SLC35F3: variants seen among roughly 807,000 people sequenced by gnomAD.
The protein encoded by SLC35F3 is putative thiamine transporter SLC35F3.
A neutral mutation model predicts 49.9 loss-of-function variants in SLC35F3; 25 were observed. The ratio of observed to expected loss-of-function variants is 0.50; its 90% CI spans 0.37 to 0.70. The LOEUF (loss-of-function observed/expected upper bound fraction) is 0.70. Ranked by LOEUF, SLC35F3 falls within the 30% of genes least tolerant of loss-of-function variation. The pLI is 0.00. For missense variants in SLC35F3, 525 were observed against 639.8 expected, an observed-to-expected ratio of 0.82 and a Z score of 1.94; for synonymous variants, 275 against 265.4, an observed-to-expected ratio of 1.04 and a Z score of -0.35.
At position 234,316,708 on chromosome 1, in the gene SLC35F3, C is replaced by T; in HGVS notation, c.935C>T (p.Ser312Leu). 6.2e-7 allele frequency: 1 copy of T among 1,611,336 alleles called. No individual in the cohort carries two copies. The highest frequency in any genetic ancestry group is 8.5e-7 in the Non-Finnish European group (1 of 1,177,658). ...IGIALVVASASMSALYKVLFK... is the reference protein window; with the variant it reads ...IGIALVVASALMSALYKVLFK... ...ATCGCACTGGTGGTGGCCTCAGCAT[C>T]GATGTCTGCCCTCTACAAGGTACGC... is the stretch of plus-strand genomic sequence containing the variant. The change falls in exon 5 of 8, where the codon TCG (serine) becomes TTG (leucine). Residue 312 changes from serine to leucine, a missense_variant. Transcript: ENST00000366618.
intron 2 of SLC35F3, among the ~76,000 whole-genome samples, chr1:234,024,985 T>C (rs1663955807): frequency 1.3e-5 from 2 of 152,136 alleles, no homozygotes; most frequent in Non-Finnish European, 2.9e-5. Flanking sequence ...CTCCCTCTTC[T>C]TGTAGTCCCC....
At chr1:234,262,125 A>C (rs1307060950) in intron 3 of SLC35F3, among the ~76,000 whole-genome samples, 1 of 152,214 alleles carries the variant, frequency 6.6e-6, no homozygotes, top group African/African-American at 2.4e-5. Context: ...GATGACTAAG[A>C]AAACCTCAAC....
At chr1:234,149,891 G>T (rs1666053055) in intron 2 of SLC35F3, among the ~76,000 whole-genome samples, 1 of 152,148 alleles carries the variant, frequency 6.6e-6, no homozygotes, top group Non-Finnish European at 1.5e-5. Flanking sequence ...CCAATCTCAG[G>T]CCAACCCAAC....
chr1:234,213,397 G>A (rs1417227817), intron 2 of SLC35F3: 2 of 152,280 alleles, frequency 1.3e-5, no homozygotes, highest in East Asian at 1.9e-4. Context: ...TAAAGGAGAT[G>A]AACACAAGGC....
At chr1:234,014,462 A>G (rs1488366847) in intron 2 of SLC35F3, among the ~76,000 whole-genome samples, 1 of 152,228 alleles carries the variant, frequency 6.6e-6, no homozygotes, top group Non-Finnish European at 1.5e-5. Context: ...TTTTAGTGGA[A>G]GTACTACTAG....
At chr1:234,088,708 A>C (rs1182203342) in intron 2 of SLC35F3, among the ~76,000 whole-genome samples, 1 of 152,150 alleles carries the variant, frequency 6.6e-6, no homozygotes, top group Non-Finnish European at 1.5e-5. Flanking sequence ...CACACCACAG[A>C]CTATTAGGGA....
intron 2 of SLC35F3, among the ~76,000 whole-genome samples, chr1:234,062,676 G>A (rs1471513321): frequency 6.6e-6 from 1 of 151,538 alleles, no homozygotes; most frequent in Non-Finnish European, 1.5e-5. Context: ...TCATCCATGA[G>A]CAAAATCTTT....
rs1386566484 is a variant in SLC35F3 at position 234,320,042 on chromosome 1, A to G, written c.1148-56A>G. 1 of 1,233,396 alleles carries G rather than the reference A, an allele frequency of 8.1e-7. No homozygotes were observed. The highest frequency in any genetic ancestry group is 1.2e-6 in the Non-Finnish European group (1 of 833,782). The allele number at this position is 1,233,396 out of a possible 1,614,324, so 76.4% of individuals were successfully genotyped here. On this transcript the variant is annotated intron_variant, in intron 6 of 7. Transcript: ENST00000366618. The surrounding 1 kb of genome is among the most constrained non-coding windows in gnomAD (Gnocchi z 4.8). ...ACCTGGGTCAGATAGGCCAGCAGGG[A>G]GGTAAAGTACACAGCAGTCATGAAT... is the stretch of plus-strand genomic sequence containing the variant.
intron 2 of SLC35F3, among the ~76,000 whole-genome samples, chr1:233,961,386 A>C (rs1662797910): frequency 6.7e-6 from 1 of 149,512 alleles, no homozygotes. Context: ...CTTTCAGAAC[A>C]CTTGCGTTTC....
rs1430988526 is a variant in SLC35F3 at position 234,036,222 on chromosome 1, C to T, written c.283+130464C>T. 3.9e-5 allele frequency among the ~76,000 whole-genome samples: 6 copies of T among 152,050 alleles called. No homozygotes were observed. The East Asian group carries it at 1.2e-3, about 29-fold the overall frequency. On this transcript the variant is annotated intron_variant, in intron 2 of 7. Coordinates refer to ENST00000366618, the MANE Select transcript of SLC35F3 (RefSeq NM_173508.4). ...GGACTACAGGTGTGCACTACCATGC[C>T]CAGCTAATTTTTGTTTGTTTGTTTT...
chr1:234,311,936 T>C (rs1296118929), intron 4 of SLC35F3, among the ~76,000 whole-genome samples: 2 of 152,258 alleles, frequency 1.3e-5, no homozygotes, highest in Non-Finnish European at 2.9e-5. Flanking sequence ...AGAATATTAC[T>C]ACTCATCTTA....
intron 2 of SLC35F3, among the ~76,000 whole-genome samples, chr1:234,211,983 A>G (rs1572096764): frequency 6.6e-6 from 1 of 152,104 alleles, no homozygotes; most frequent in South Asian, 2.1e-4. Context: ...GGCCTTTCCC[A>G]TGCTGCTCTC....
Position 233,950,012 on chromosome 1 carries a change from C to T in SLC35F3, c.283+44254C>T, listed in dbSNP as rs149996165. 1.6e-3 allele frequency among the ~76,000 whole-genome samples: 251 copies of T among 152,180 alleles called. 1 individual carries two copies. Among genetic ancestry groups the T allele is most frequent in the African/African-American group, 5.6e-3 (232 of 41,520 alleles). On this transcript the variant is annotated intron_variant, in intron 2 of 7. Coordinates refer to ENST00000366618, the MANE Select transcript of SLC35F3 (RefSeq NM_173508.4). ...ATTTGTCCCCAGTTTTTTTCAGACA[C>T]CTCTGCACACGAGGTGAGAAAACCT...
chr1:234,289,631 T>C (rs950050577), intron 3 of SLC35F3, among the ~76,000 whole-genome samples: 1 of 152,188 alleles, frequency 6.6e-6, no homozygotes, highest in African/African-American at 2.4e-5. Context: ...CATGTGCAAG[T>C]ATGGAGTCCA....
chr1:233,923,750 T>C (rs997140576), intron 2 of SLC35F3, among the ~76,000 whole-genome samples: 1 of 152,152 alleles, frequency 6.6e-6, no homozygotes, highest in Non-Finnish European at 1.5e-5. Flanking sequence ...ATGCTTCCAG[T>C]TTTTGCCCAT....
At chr1:233,912,494 GAAAC>G (rs959875978) in intron 2 of SLC35F3, among the ~76,000 whole-genome samples, 4 of 120,602 alleles carry the variant, frequency 3.3e-5, no homozygotes, top group Admixed American at 8.2e-5. Context: ...AACAAACAAA[GAAAC>G]AAACAAACAA....
At chr1:234,120,824 G>A (rs893809673) in intron 2 of SLC35F3, among the ~76,000 whole-genome samples, 4 of 152,168 alleles carry the variant, frequency 2.6e-5, no homozygotes, top group Non-Finnish European at 5.9e-5. Context: ...TTAAAATTCT[G>A]ATCAACTTTA....
At chr1:233,936,249 G>A (rs1242724846) in intron 2 of SLC35F3, among the ~76,000 whole-genome samples, 1 of 152,210 alleles carries the variant, frequency 6.6e-6, no homozygotes, top group East Asian at 1.9e-4. Context: ...AAGATAGGAA[G>A]AAAGGAGATG....
Position 233,995,488 on chromosome 1 carries a change from A to C in SLC35F3, c.283+89730A>C, listed in dbSNP as rs147428725. Among the ~76,000 whole-genome samples the C allele has an allele frequency of 2.4e-3, 365 of 152,274 alleles. 1 individual carries two copies. The highest frequency in any genetic ancestry group is 8.4e-3 in the African/African-American group (347 of 41,548). ...GAGCATTTATTTTAAATGAAGTGTT[A>C]AGGATGCCTGATCCCTCCACTTGTG... is the stretch of plus-strand genomic sequence containing the variant. On this transcript the variant is annotated intron_variant, in intron 2 of 7. Transcript: ENST00000366618.
Sources: allele counts gnomAD v4.1 joint callset (sites outside exome capture counted in the v4.1 genomes callset), GRCh38; gene constraint gnomAD v4.1.1; non-coding constraint Gnocchi (gnomAD v3.1); transcripts MANE v1.5; gene names NCBI Gene and HGNC (gene_info 2026-07-23, HGNC 2026-07-21).